The following EFNA5 variants were observed in gnomAD, a reference collection of about 807,000 sequenced individuals.
EFNA5 encodes the protein ephrin A5.
EFNA5 carries 5 observed loss-of-function variants against 22.9 expected under a neutral mutation model. The observed-to-expected ratio is 0.22, with a 90% CI of 0.11 to 0.46. The LOEUF is 0.46. Among genes scored for constraint, EFNA5 ranks in the 20% least tolerant of loss-of-function variants. EFNA5 has a pLI of 0.99. For synonymous variants in EFNA5, 113 were observed against 112.2 expected (o/e 1.01, Z -0.04); for missense variants, 237 against 293.3 (o/e 0.81, Z 1.40).
At chr5:107,387,851 T>A in intron 2 of EFNA5, 80 bp from the exon 3 acceptor site, 4 of 1,001,670 alleles carry the variant, frequency 4.0e-6, no homozygotes, top group Non-Finnish European at 6.1e-6. Context: ...ATACAAATGA[T>A]GAACAATAAA....
Position 107,507,482 on chromosome 5 carries a change from G to A in EFNA5, c.126-79973C>T, listed in dbSNP as rs1481466638. 2.6e-5 allele frequency among the ~76,000 whole-genome samples: 4 copies of A among 152,268 alleles called. No individual in the cohort carries two copies. In the East Asian group the frequency reaches 7.7e-4, roughly 29 times the overall value. ...AAATGGATCATTCATTCATTTAGCA[G>A]CCTATATTAATTAAGAACCTAGCCA... is the stretch of plus-strand genomic sequence containing the variant. On this transcript the variant is annotated intron_variant, in intron 1 of 4. Transcript: ENST00000333274.
intron 1 of EFNA5, among the ~76,000 whole-genome samples, chr5:107,659,689 AT>A (rs1310503827): frequency 1.3e-5 from 2 of 151,974 alleles, no homozygotes; most frequent in South Asian, 2.1e-4. Context: ...TAAAAAAAAA[AT>A]AATTTGCAAA....
chr5:107,617,034 T>G (rs1005815027), intron 1 of EFNA5, among the ~76,000 whole-genome samples: 2 of 151,036 alleles, frequency 1.3e-5, no homozygotes, highest in Admixed American at 1.3e-4. Context: ...CTTAATGTAC[T>G]TTTATGGAAG....
intron 1 of EFNA5, among the ~76,000 whole-genome samples, chr5:107,561,137 T>C (rs1037634768): frequency 2.6e-5 from 4 of 152,278 alleles, no homozygotes; most frequent in African/African-American, 9.6e-5. Context: ...AAATTAAGCA[T>C]ACCTGGACAA....
chr5:107,494,234 A>G (rs1351472426), intron 1 of EFNA5, among the ~76,000 whole-genome samples: 6 of 152,038 alleles, frequency 3.9e-5, no homozygotes, highest in Non-Finnish European at 8.8e-5. Context: ...CTCAGCTTGC[A>G]GGGAGGTGTG....
intron 1 of EFNA5, among the ~76,000 whole-genome samples, chr5:107,514,860 T>C (rs542148916): frequency 6.6e-6 from 1 of 152,262 alleles, no homozygotes; most frequent in East Asian, 1.9e-4. Flanking sequence ...TAAGAAGAAA[T>C]TAGGCAGATA....
rs1177858275 is a variant in EFNA5 at position 107,387,230 on chromosome 5, C to T, written c.565+5G>A. On this transcript the variant is annotated splice_donor_5th_base_variant and intron_variant, in intron 4 of 4. Coordinates refer to ENST00000333274, the MANE Select transcript of EFNA5 (RefSeq NM_001962.3). ...TGTTAAAAGAGATTCTCTAAGCATA[C>T]TAACCTGCTGGTTCTAATGAATTTT... 6.3e-7 allele frequency: 1 copy of T among 1,596,844 alleles called. No homozygotes were observed. The highest frequency in any genetic ancestry group is 8.6e-7 in the Non-Finnish European group (1 of 1,168,324).
At chr5:107,593,604 C>T (rs1749419413) in intron 1 of EFNA5, among the ~76,000 whole-genome samples, 1 of 152,128 alleles carries the variant, frequency 6.6e-6, no homozygotes, top group Admixed American at 6.5e-5. Flanking sequence ...TCACCTGACT[C>T]AAATTAAATG....
chr5:107,489,256 C>T (rs906201033), intron 1 of EFNA5, among the ~76,000 whole-genome samples: 13 of 152,104 alleles, frequency 8.5e-5, no homozygotes, highest in Admixed American at 1.3e-4. Flanking sequence ...TCACTGCAAC[C>T]GCCGCCTTCC....
At chr5:107,472,967 A>T (rs915273840) in intron 1 of EFNA5, among the ~76,000 whole-genome samples, 2 of 152,194 alleles carry the variant, frequency 1.3e-5, no homozygotes, top group African/African-American at 2.4e-5. Flanking sequence ...AGGCATCTCA[A>T]CACTGTAAAT....
intron 1 of EFNA5, among the ~76,000 whole-genome samples, chr5:107,502,779 G>C (rs937929590): frequency 6.6e-6 from 1 of 152,066 alleles, no homozygotes; most frequent in African/African-American, 2.4e-5. Context: ...GCAGGCATAC[G>C]ACACTCCATC....
chr5:107,670,639 C>G lies in EFNA5; in HGVS notation c.-26G>C, dbSNP rs1751174059. On this transcript the variant is annotated 5_prime_UTR_variant, in exon 1 of 5. Coordinates refer to ENST00000333274, the MANE Select transcript of EFNA5 (RefSeq NM_001962.3). The stretch of plus-strand genomic sequence containing the variant: ...CACGCCTGGCCAGCGGCGGAGCCCC[C>G]GACGCGCCACTCCGGGGAGAGAGCG... 2 of 1,595,126 alleles carry G rather than the reference C, an allele frequency of 1.3e-6. No individual in the cohort carries two copies. Among genetic ancestry groups the G allele is most frequent in the Non-Finnish European group, 1.7e-6 (2 of 1,171,690 alleles).
chr5:107,609,339 C>G (rs1323628234), intron 1 of EFNA5, among the ~76,000 whole-genome samples: 1 of 152,154 alleles, frequency 6.6e-6, no homozygotes, highest in African/African-American at 2.4e-5. Flanking sequence ...CAACTAAAAT[C>G]TGTCATTATT....
intron 1 of EFNA5, among the ~76,000 whole-genome samples, chr5:107,543,271 C>T (rs1484272563): frequency 1.3e-5 from 2 of 152,172 alleles, no homozygotes; most frequent in African/African-American, 4.8e-5. Flanking sequence ...GCTGGGGACT[C>T]CAGGTTAAAA....
intron 1 of EFNA5, among the ~76,000 whole-genome samples, chr5:107,576,618 A>T (rs187241971): frequency 3.0e-4 from 45 of 152,334 alleles, no homozygotes; most frequent in African/African-American, 1.0e-3. Flanking sequence ...TGTATACATG[A>T]CTTTATCAAT....
At chr5:107,537,766 T>C (rs1279366602) in intron 1 of EFNA5, among the ~76,000 whole-genome samples, 1 of 152,194 alleles carries the variant, frequency 6.6e-6, no homozygotes, top group Non-Finnish European at 1.5e-5. Flanking sequence ...GCAAACCAAA[T>C]TTCTGAATGT....
intron 1 of EFNA5, among the ~76,000 whole-genome samples, chr5:107,486,723 A>G (rs1319420793): frequency 1.3e-5 from 2 of 152,186 alleles, no homozygotes; most frequent in African/African-American, 2.4e-5. Context: ...AGAGGCCTCT[A>G]TCATTGAGTC....
At chr5:107,432,789 T>C (rs114623179) in intron 1 of EFNA5, among the ~76,000 whole-genome samples, 2,450 of 152,274 alleles carry the variant, frequency 0.016, 53 homozygotes, top group African/African-American at 0.057. Flanking sequence ...AGTTGACCCT[T>C]GAGCAACACG....
At chr5:107,595,858 T>C (rs1749463164) in intron 1 of EFNA5, among the ~76,000 whole-genome samples, 1 of 152,168 alleles carries the variant, frequency 6.6e-6, no homozygotes, top group Non-Finnish European at 1.5e-5. Flanking sequence ...GTCAGGCATC[T>C]ACATACCCAA....
Sources: gnomAD v4.1 joint callset for allele counts (sites outside exome capture counted in the v4.1 genomes callset) on GRCh38, gnomAD v4.1.1 for gene constraint, MANE v1.5 for transcripts, NCBI Gene and HGNC (gene_info 2026-07-23, HGNC 2026-07-21) for gene names.